Variants in DRC8 observed in about 807,000 individuals in gnomAD.
DRC8 encodes the protein dynein regulatory complex protein 8.
At chr1:244,978,386 G>A in the DRC8 span, among the ~76,000 whole-genome samples, 2 of 151,924 alleles carry the variant, frequency 1.3e-5, no homozygotes, top group Non-Finnish European at 2.9e-5. Flanking sequence ...CCAGCTACTC[G>A]GGAGGCTGAG....
At chr1:245,087,659 C>T in the DRC8 span, 1 of 1,041,692 alleles carries the variant, frequency 9.6e-7, no homozygotes, top group Non-Finnish European at 1.2e-6. Flanking sequence ...ATTAATTAAG[C>T]TGACAAAATG....
the DRC8 span, among the ~76,000 whole-genome samples, chr1:245,112,058 G>C: frequency 5.3e-5 from 8 of 151,422 alleles, no homozygotes; most frequent in African/African-American, 2.0e-4. Context: ...TCTGGAAGAC[G>C]TTATTATTTG....
chr1:244,979,838 A>G, the DRC8 span, among the ~76,000 whole-genome samples: 1 of 151,938 alleles, frequency 6.6e-6, no homozygotes, highest in Non-Finnish European at 1.5e-5. Flanking sequence ...GTGAAGACTC[A>G]ATATGGCCGA....
the DRC8 span, among the ~76,000 whole-genome samples, chr1:244,985,108 T>C: frequency 6.9e-6 from 1 of 144,190 alleles, no homozygotes; most frequent in Non-Finnish European, 1.5e-5. Context: ...TCTGATTACA[T>C]GTGTGGTATC....
chr1:245,109,595 T>A, the DRC8 span, among the ~76,000 whole-genome samples: 1 of 152,272 alleles, frequency 6.6e-6, no homozygotes, highest in Non-Finnish European at 1.5e-5. Flanking sequence ...ACTGGGCACC[T>A]GCTACCTGCA....
chr1:245,072,871 T>C, the DRC8 span, among the ~76,000 whole-genome samples: 1 of 152,086 alleles, frequency 6.6e-6, no homozygotes, highest in South Asian at 2.1e-4. Context: ...GCTCCTGTTC[T>C]GGCCATGTGA....
At chr1:244,970,615 C>G in the DRC8 span, 3 of 646,372 alleles carry the variant, frequency 4.6e-6, no homozygotes, top group South Asian at 4.4e-5. Context: ...GCCCCCGTCC[C>G]CGTAGCCCGC....
chr1:245,088,315 GACACACAC>G, the DRC8 span, among the ~76,000 whole-genome samples: 96 of 145,602 alleles, frequency 6.6e-4, no homozygotes, highest in African/African-American at 2.2e-3. The surrounding 1 kb of genome is among the most constrained non-coding windows in gnomAD (Gnocchi z 4.6). Flanking sequence ...GTTATAACAA[GACACACAC>G]ACACACACAC....
chr1:245,091,958 C>T, the DRC8 span, among the ~76,000 whole-genome samples: 699 of 152,300 alleles, frequency 4.6e-3, 4 homozygotes, highest in African/African-American at 0.016. Flanking sequence ...TCCTGGCTTC[C>T]GCAGAGCCTG....
the DRC8 span, among the ~76,000 whole-genome samples, chr1:244,996,387 G>C: frequency 2.6e-5 from 4 of 152,082 alleles, no homozygotes; most frequent in Non-Finnish European, 4.4e-5. Flanking sequence ...TTGTGAAAGG[G>C]GACTGCACGA....
At chr1:245,053,449 G>A in the DRC8 span, among the ~76,000 whole-genome samples, 1 of 152,202 alleles carries the variant, frequency 6.6e-6, no homozygotes, top group Non-Finnish European at 1.5e-5. Context: ...AGCTTCCAGG[G>A]CCCCAGAGCT....
the DRC8 span, among the ~76,000 whole-genome samples, chr1:245,014,408 A>G: frequency 1.3e-5 from 2 of 152,362 alleles, no homozygotes; most frequent in Admixed American, 1.3e-4. Flanking sequence ...ATTCATTTGT[A>G]ATCAAAGCAG....
chr1:245,087,476 C>T, the DRC8 span: 1 of 1,413,662 alleles, frequency 7.1e-7, no homozygotes, highest in Non-Finnish European at 9.2e-7. Context: ...TGTGACATAA[C>T]TATTTTAAGA....
At chr1:245,072,545 G>A in the DRC8 span, among the ~76,000 whole-genome samples, 2 of 152,204 alleles carry the variant, frequency 1.3e-5, no homozygotes, top group Admixed American at 1.3e-4. Context: ...CCTCAGAGGA[G>A]TTTGAGGGCA....
At chr1:245,119,082 A>T in the DRC8 span, among the ~76,000 whole-genome samples, 2 of 152,202 alleles carry the variant, frequency 1.3e-5, no homozygotes, top group African/African-American at 4.8e-5. Flanking sequence ...AGGGTGGGAA[A>T]ATTCCAGTTT....
the DRC8 span, among the ~76,000 whole-genome samples, chr1:244,974,647 A>T: frequency 2.0e-5 from 3 of 151,746 alleles, no homozygotes; most frequent in South Asian, 6.2e-4. Context: ...CCCTTAAATA[A>T]CGTCTTTGTT....
chr1:244,971,210 A>G, the DRC8 span: 3 of 152,088 alleles, frequency 2.0e-5, no homozygotes, highest in Admixed American at 2.0e-4. Context: ...GTCTTAAAAA[A>G]AAAAAAAGAC....
the DRC8 span, among the ~76,000 whole-genome samples, chr1:245,094,858 A>G: frequency 1.3e-5 from 2 of 152,344 alleles, no homozygotes; most frequent in Non-Finnish European, 2.9e-5. Context: ...AACCACCATT[A>G]CTAATGCTTT....
At chr1:245,050,265 A>G in the DRC8 span, among the ~76,000 whole-genome samples, 1 of 149,330 alleles carries the variant, frequency 6.7e-6, no homozygotes, top group Admixed American at 6.7e-5. Flanking sequence ...TATTAGACGG[A>G]TTTTCGCTCT....
Sources: allele counts gnomAD v4.1 joint callset (sites outside exome capture counted in the v4.1 genomes callset), GRCh38; gene constraint gnomAD v4.1.1; non-coding constraint Gnocchi (gnomAD v3.1); transcripts MANE v1.5; gene names NCBI Gene and HGNC (gene_info 2026-07-23, HGNC 2026-07-21).